Variants in SV2A observed in about 807,000 individuals in gnomAD.
SV2A encodes the protein solute carrier family 22 member B1.
In SV2A, 25 loss-of-function variants were observed where a neutral mutation model predicts 78.0. The observed-to-expected ratio is 0.32, with a 90% CI of 0.23 to 0.45. SV2A has a LOEUF of 0.45. Among genes scored for constraint, SV2A ranks in the 20% least tolerant of loss-of-function variants. SV2A has a pLI of 1.00. For synonymous variants in SV2A, 355 were observed against 384.7 expected, an observed-to-expected ratio of 0.92 and a Z score of 0.90; for missense variants, 752 against 971.5, an observed-to-expected ratio of 0.77 and a Z score of 3.00.
At chr1:149,907,945 T>C (rs970624782) in intron 9 of SV2A, 97 bp downstream of exon 9, 3 of 1,570,330 alleles carry the variant, frequency 1.9e-6, no homozygotes, top group Non-Finnish European at 2.6e-6. Context: ...ACCACAAGTG[T>C]TTGCCCCCCA....
chr1:149,911,692 C>A, intron 3 of SV2A, 108 bp downstream of exon 3: 2 of 1,159,538 alleles, frequency 1.7e-6, no homozygotes, highest in Admixed American at 5.2e-5. Flanking sequence ...TCAACTCACA[C>A]AGATTTAAGG....
chr1:149,911,048 A>G, intron 3 of SV2A, 71 bp from the exon 4 acceptor site: 1 of 1,528,822 alleles, frequency 6.5e-7, no homozygotes, highest in Non-Finnish European at 8.8e-7. Flanking sequence ...ACTGCTCTGG[A>G]CCCCGAGCCC....
intron 2 of SV2A, among the ~76,000 whole-genome samples, chr1:149,912,374 C>G (rs2092481188): frequency 6.6e-6 from 1 of 152,124 alleles, no homozygotes; most frequent in South Asian, 2.1e-4. Flanking sequence ...CAGGAGAGCT[C>G]TCATTTGTTC....
At chr1:149,915,572 T>A (rs1360026172) in intron 1 of SV2A, among the ~76,000 whole-genome samples, 3 of 152,166 alleles carry the variant, frequency 2.0e-5, no homozygotes, top group Non-Finnish European at 2.9e-5. Flanking sequence ...AATGCATACA[T>A]TTCCAACATG....
intron 10 of SV2A, 59 bp from the exon 11 acceptor site, chr1:149,906,915 A>C (rs1197816690): frequency 9.4e-6 from 15 of 1,598,742 alleles, no homozygotes; most frequent in Non-Finnish European, 1.3e-5. Flanking sequence ...GGAGGCTGTT[A>C]CGGCTTATGG....
rs1423284992 is a variant in SV2A at position 149,906,697 on chromosome 1, A to G, written c.1838T>C (p.Ile613Thr). The change falls in exon 11 of 13, where the codon ATC becomes ACC. Residue 613 changes from isoleucine (I) to threonine (T), a missense_variant. Physicochemically the swap from Ile to Thr is moderately conservative, Grantham distance 89 (BLOSUM62 -1). Around this residue, in one of 7 missense-constraint regions of SV2A, gnomAD observed 186 missense variants for 274.6 expected, o/e 0.68. Coordinates refer to ENST00000369146, the MANE Select transcript of SV2A (RefSeq NM_014849.5). ...LGTLAVLPGN[I>T]VSALLMDKIG... ...CTTGTCCATGAGCAGGGCAGACACGATATTCCCAGGAAGCACTGCCAGTGT... is the reference window on the plus strand; with the variant it reads ...CTTGTCCATGAGCAGGGCAGACACGGTATTCCCAGGAAGCACTGCCAGTGT... 2 of 1,614,200 alleles carry G rather than the reference A, an allele frequency of 1.2e-6. No homozygotes were observed. The highest frequency in any genetic ancestry group is 1.7e-6 in the Non-Finnish European group (2 of 1,180,034).
chr1:149,909,172 C>T lies in SV2A; in HGVS notation c.1379+20G>A, dbSNP rs1349543645. ...ACCACCACAACCACCACACATCACCCAGCCCACCCATCTCCTCACCTGAAT... is the reference window on the plus strand; with the variant it reads ...ACCACCACAACCACCACACATCACCTAGCCCACCCATCTCCTCACCTGAAT... On this transcript the variant is annotated intron_variant, in intron 8 of 12. Coordinates refer to ENST00000369146, the MANE Select transcript of SV2A (RefSeq NM_014849.5). The T allele has an allele frequency of 1.2e-6, 2 of 1,611,380 alleles. No individual in the cohort carries two copies. The highest frequency in any genetic ancestry group is 1.7e-6 in the Non-Finnish European group (2 of 1,177,674).
At chr1:149,914,451 C>T (rs1425682282) in intron 1 of SV2A, among the ~76,000 whole-genome samples, 1 of 151,716 alleles carries the variant, frequency 6.6e-6, no homozygotes, top group Non-Finnish European at 1.5e-5. Context: ...CCCAAACCCA[C>T]CCCAGCCCTT....
chr1:149,908,642 CT>C (rs1237979318), intron 8 of SV2A, among the ~76,000 whole-genome samples: 9 of 151,732 alleles, frequency 5.9e-5, no homozygotes, highest in African/African-American at 1.7e-4. Context: ...CGTCTCACTT[CT>C]TTTTTTTCTT....
In SV2A at chr1:149,910,483, G is replaced by A; in HGVS notation, c.1089+87C>T. On this transcript the variant is annotated intron_variant, in intron 5 of 12. Transcript: ENST00000369146. This position sits in a 1 kb window ranked among gnomAD's most constrained non-coding sequence, Gnocchi z 4.2. ...TCAAACAGGATCAAATCAAACTCCA[G>A]TTGGTGTTTGAACACAGAAGCCCCT... 3 of 1,443,484 alleles carry A rather than the reference G, an allele frequency of 2.1e-6. No individual in the cohort carries two copies. Among genetic ancestry groups the A allele is most frequent in the South Asian group, 2.9e-5 (2 of 68,652 alleles). The allele number at this position is 1,443,484 out of a possible 1,614,324, so 89.4% of individuals were successfully genotyped here.
chr1:149,910,491 T>G lies in SV2A; in HGVS notation c.1089+79A>C. ...GATCAAATCAAACTCCAGTTGGTGTTTGAACACAGAAGCCCCTGCTGCCGT... is the reference window on the plus strand; with the variant it reads ...GATCAAATCAAACTCCAGTTGGTGTGTGAACACAGAAGCCCCTGCTGCCGT... On this transcript the variant is annotated intron_variant, in intron 5 of 12. Transcript: ENST00000369146. The surrounding 1 kb of genome is among the most constrained non-coding windows in gnomAD (Gnocchi z 4.2). The G allele has an allele frequency of 6.8e-7, 1 of 1,464,888 alleles. No individual in the cohort carries two copies. 90.7% of individuals were successfully genotyped at this position (1,464,888 alleles called of 1,614,324 possible). A position where few individuals can be genotyped will look rare whatever the true frequency, so the allele number is the denominator to read the frequency against.
chr1:149,909,736 G>A, intron 6 of SV2A, 65 bp downstream of exon 6: 3 of 1,567,978 alleles, frequency 1.9e-6, no homozygotes, highest in East Asian at 2.2e-5. Context: ...GGTACTCAGA[G>A]AGGGGCCAGG....
chr1:149,906,910 C>T, intron 10 of SV2A, 54 bp from the exon 11 acceptor site: 1 of 1,602,180 alleles, frequency 6.2e-7, no homozygotes, highest in South Asian at 1.1e-5. Flanking sequence ...GAGAGGGAGG[C>T]TGTTACGGCT....
At chr1:149,905,736 C>T in intron 12 of SV2A, 144 bp downstream of exon 12, 8 of 1,188,518 alleles carry the variant, frequency 6.7e-6, no homozygotes, top group Non-Finnish European at 8.4e-6. Context: ...AGTCACCGTG[C>T]CCGGCCAAAG....
intron 1 of SV2A, among the ~76,000 whole-genome samples, chr1:149,916,751 G>A (rs2092516574): frequency 1.3e-5 from 2 of 152,152 alleles, no homozygotes; most frequent in African/African-American, 4.8e-5. Context: ...GTAGAATGTG[G>A]GAGGTGCGGG....
chr1:149,916,621 C>T lies in SV2A; in HGVS notation c.-348+1118G>A, dbSNP rs375687964. On this transcript the variant is annotated intron_variant, in intron 1 of 12. Transcript: ENST00000369146. ...CTCATCCAGCCCTGGGTCCAGAACC[C>T]CCCACCCTCCCAGTCAAAGCCCCTG... Among the ~76,000 whole-genome samples the T allele has an allele frequency of 1.2e-4, 18 of 152,338 alleles. 2 individuals carry two copies. The highest frequency in any genetic ancestry group is 7.7e-4 in the East Asian group (4 of 5,184).
chr1:149,905,343 A>T lies in SV2A; in HGVS notation c.2046-146T>A, dbSNP rs908031908. 23 of 669,602 alleles carry T rather than the reference A, an allele frequency of 3.4e-5. No homozygotes were observed. In the Admixed American group the frequency reaches 4.3e-4, roughly 13 times the overall value. 41.5% of individuals were successfully genotyped at this position (669,602 alleles called of 1,614,324 possible). A position where few individuals can be genotyped will look rare whatever the true frequency, so the allele number is the denominator to read the frequency against. ...GTTGGAGAGATCAGAGAGGTAAAGG[A>T]TGTACACCAGGAATGTAAATAAATT... is the stretch of plus-strand genomic sequence containing the variant. On this transcript the variant is annotated intron_variant, in intron 12 of 12. Coordinates refer to ENST00000369146, the MANE Select transcript of SV2A (RefSeq NM_014849.5).
In SV2A at chr1:149,911,392, G is replaced by A. The variant is rs139217266; in HGVS notation, c.803+408C>T. ...GCTTGCAAAAGTGAAGGGGCAGTGC[G>A]GACAAGGCGTCAGGGTTCTGGCAGG... On this transcript the variant is annotated intron_variant, in intron 3 of 12. Transcript: ENST00000369146. Among the ~76,000 whole-genome samples, 179 of 152,352 alleles carry A rather than the reference G, an allele frequency of 1.2e-3. 1 individual carries two copies. Among genetic ancestry groups the A allele is most frequent in the African/African-American group, 4.2e-3 (173 of 41,580 alleles).
intron 10 of SV2A, 34 bp from the exon 11 acceptor site, chr1:149,906,890 T>C (rs782387832): frequency 8.7e-6 from 14 of 1,612,216 alleles, no homozygotes; most frequent in Non-Finnish European, 1.0e-5. Flanking sequence ...CAGGCAGTCA[T>C]AGCAGATGGG....
Sources: gnomAD v4.1 joint callset for allele counts (sites outside exome capture counted in the v4.1 genomes callset) on GRCh38, gnomAD v4.1.1 for gene constraint, gnomAD v4.1.1 regional missense constraint, Gnocchi (gnomAD v3.1) non-coding constraint, MANE v1.5 for transcripts, NCBI Gene and HGNC (gene_info 2026-07-23, HGNC 2026-07-21) for gene names.